CCDC91: variants seen among roughly 807,000 people sequenced by gnomAD.
CCDC91 encodes the protein coiled-coil domain containing 91, also known as coiled-coil domain-containing protein 91.
In CCDC91, 48 loss-of-function variants were observed where a neutral mutation model predicts 63.2. That is an observed-to-expected ratio of 0.76 (90% CI 0.60 to 0.97). The LOEUF is 0.97. CCDC91 is among the 50% of genes least tolerant of loss of function. The probability of loss-of-function intolerance (pLI) is 0.00; values close to 1 mark genes in which losing one functional copy is unlikely to be tolerated. For missense variants in CCDC91, 500 were observed against 494.6 expected (o/e 1.01, Z -0.10); for synonymous variants, 167 against 165.8 (o/e 1.01, Z -0.06).
chr12:28,371,676 C>T (rs1434822780), intron 7 of CCDC91, among the ~76,000 whole-genome samples: 2 of 152,160 alleles, frequency 1.3e-5, no homozygotes, highest in African/African-American at 2.4e-5. Context: ...CCCTCCATAC[C>T]AGTGGGTTCT....
At chr12:28,415,566 G>T (rs964937903) in intron 8 of CCDC91, among the ~76,000 whole-genome samples, 3 of 152,058 alleles carry the variant, frequency 2.0e-5, no homozygotes, top group African/African-American at 7.2e-5. Flanking sequence ...TCTTGTTACT[G>T]AGGATATATC....
intron 1 of CCDC91, among the ~76,000 whole-genome samples, chr12:28,235,306 A>C (rs1304055037): frequency 2.6e-5 from 4 of 152,176 alleles, no homozygotes; most frequent in African/African-American, 9.7e-5. Flanking sequence ...GGCCTTTTAA[A>C]ATCTGCCAAA....
chr12:28,425,351 TC>T (rs1396818116), intron 8 of CCDC91, among the ~76,000 whole-genome samples: 2 of 152,086 alleles, frequency 1.3e-5, no homozygotes. Flanking sequence ...GAGACACTTT[TC>T]CCCCTTCTCA....
At chr12:28,244,657 G>A (rs565754915) in intron 1 of CCDC91, among the ~76,000 whole-genome samples, 1 of 151,854 alleles carries the variant, frequency 6.6e-6, no homozygotes, top group South Asian at 2.1e-4. Context: ...GATGCTGGCT[G>A]TTGGCTGGGA....
intron 12 of CCDC91, among the ~76,000 whole-genome samples, chr12:28,489,264 C>T (rs1019234540): frequency 2.0e-5 from 3 of 151,772 alleles, no homozygotes; most frequent in Admixed American, 1.3e-4. Flanking sequence ...GTATTAATTG[C>T]CAGATAAGAT....
chr12:28,228,282 T>C (rs1944393697), intron 1 of CCDC91, among the ~76,000 whole-genome samples: 2 of 152,128 alleles, frequency 1.3e-5, no homozygotes, highest in South Asian at 4.1e-4. Context: ...ATTCATAGTA[T>C]TTAACTTAGA....
intron 1 of CCDC91, among the ~76,000 whole-genome samples, chr12:28,220,581 C>A (rs192172345): frequency 4.6e-5 from 7 of 151,246 alleles, no homozygotes; most frequent in Non-Finnish European, 1.0e-4. Flanking sequence ...TTTTGTCTTT[C>A]TTCTCCCTGA....
At chr12:28,197,184 T>A in intron 1 of CCDC91, among the ~76,000 whole-genome samples, 1 of 152,118 alleles carries the variant, frequency 6.6e-6, no homozygotes. Flanking sequence ...CTATTTATTG[T>A]AAGAAATTTG....
In CCDC91 at chr12:28,452,735, C is replaced by T. The variant is rs527399120; in HGVS notation, c.1101+81C>T. 1.3e-5 allele frequency: 8 copies of T among 634,528 alleles called. No individual in the cohort carries two copies. The African/African-American group carries it at 1.5e-4, about 12-fold the overall frequency. The allele number at this position is 634,528 out of a possible 1,614,324, so 39.3% of individuals were successfully genotyped here. ...GAAGTACCCTTACTCTATCTTTTAT[C>T]TTACTTAAAACAACCTTAGTAGATA... On this transcript the variant is annotated intron_variant, in intron 11 of 12. Transcript: ENST00000536442.
chr12:28,235,594 T>TAAA (rs11424459), intron 1 of CCDC91, among the ~76,000 whole-genome samples: 2 of 143,846 alleles, frequency 1.4e-5, no homozygotes, highest in Admixed American at 7.0e-5. Flanking sequence ...CGCATAGCAT[T>TAAA]AAAAAAAAAA....
At chr12:28,441,742 T>C (rs1949234512) in intron 8 of CCDC91, among the ~76,000 whole-genome samples, 1 of 150,190 alleles carries the variant, frequency 6.7e-6, no homozygotes, top group African/African-American at 2.4e-5. Flanking sequence ...ATCTCATATA[T>C]ATATCTCATA....
chr12:28,270,685 C>T (rs1476411163), intron 3 of CCDC91, among the ~76,000 whole-genome samples: 1 of 152,122 alleles, frequency 6.6e-6, no homozygotes, highest in Non-Finnish European at 1.5e-5. Flanking sequence ...AAAGTAATTT[C>T]AACCCTTGGT....
chr12:28,269,776 T>A (rs1947614009), intron 3 of CCDC91, among the ~76,000 whole-genome samples: 1 of 152,186 alleles, frequency 6.6e-6, no homozygotes, highest in South Asian at 2.1e-4. Flanking sequence ...CTGAATATTT[T>A]GTTGTAATTC....
chr12:28,474,240 A>G (rs939221799), intron 11 of CCDC91, among the ~76,000 whole-genome samples: 1 of 152,072 alleles, frequency 6.6e-6, no homozygotes, highest in African/African-American at 2.4e-5. Context: ...TTGTTTTGGC[A>G]TGATAGACAT....
At chr12:28,503,612 A>G (rs1466149303) in intron 12 of CCDC91, among the ~76,000 whole-genome samples, 1 of 152,042 alleles carries the variant, frequency 6.6e-6, no homozygotes, top group African/African-American at 2.4e-5. Flanking sequence ...TACAAATCAT[A>G]CTGCTATAAA....
intron 12 of CCDC91, 94 bp downstream of exon 12, chr12:28,484,259 T>A (rs1237176671): frequency 1.7e-6 from 1 of 582,166 alleles, no homozygotes; most frequent in African/African-American, 1.9e-5. Flanking sequence ...ATTTAAAATG[T>A]CCTGTGTCAT....
At chr12:28,289,685 CTTTTTTT>C (rs75555723) in intron 3 of CCDC91, among the ~76,000 whole-genome samples, 4 of 98,540 alleles carry the variant, frequency 4.1e-5, no homozygotes, top group African/African-American at 1.4e-4. Flanking sequence ...CTTTTCTTTT[CTTTTTTT>C]TTTTTTTTTT....
intron 6 of CCDC91, among the ~76,000 whole-genome samples, chr12:28,321,614 A>G (rs1283754944): frequency 6.6e-6 from 1 of 151,830 alleles, no homozygotes; most frequent in Admixed American, 6.6e-5. Context: ...AATAATAGAC[A>G]TCAGAGAACT....
chr12:28,272,270 T>C (rs1376207530), intron 3 of CCDC91, among the ~76,000 whole-genome samples: 6 of 152,086 alleles, frequency 3.9e-5, no homozygotes, highest in Admixed American at 3.9e-4. Flanking sequence ...ATTGAATCTT[T>C]AGATTTAAGA....
Sources: allele counts gnomAD v4.1 joint callset (sites outside exome capture counted in the v4.1 genomes callset), GRCh38; gene constraint gnomAD v4.1.1; transcripts MANE v1.5; gene names NCBI Gene and HGNC (gene_info 2026-07-23, HGNC 2026-07-21).